Variants in CLNK observed in about 807,000 individuals in gnomAD.
CLNK encodes the protein cytokine dependent hematopoietic cell linker.
A neutral mutation model predicts 68.6 loss-of-function variants in CLNK; 74 were observed. The ratio of observed to expected loss-of-function variants is 1.08; its 90% CI spans 0.89 to 1.31. CLNK has a LOEUF of 1.31. CLNK is among the 50% of genes most tolerant of loss of function. The probability of loss-of-function intolerance (pLI) is 0.00; values close to 1 mark genes in which losing one functional copy is unlikely to be tolerated. For synonymous variants in CLNK, 198 were observed against 172.2 expected (o/e 1.15, Z -1.17); for missense variants, 553 against 515.3 (o/e 1.07, Z -0.71).
At chr4:10,622,379 C>T (rs1290739482) in intron 2 of CLNK, among the ~76,000 whole-genome samples, 1 of 152,116 alleles carries the variant, frequency 6.6e-6, no homozygotes, top group African/African-American at 2.4e-5. Context: ...TTCTTGGGTT[C>T]GTTTAAAAAT....
chr4:10,525,213 C>T (rs1243035409), intron 14 of CLNK, among the ~76,000 whole-genome samples: 8 of 152,120 alleles, frequency 5.3e-5, no homozygotes, highest in South Asian at 2.1e-4. Flanking sequence ...TACAGGCACC[C>T]GCCACCACAC....
the CLNK span, among the ~76,000 whole-genome samples, chr4:10,698,491 G>A: frequency 1.3e-5 from 2 of 152,176 alleles, no homozygotes; most frequent in Non-Finnish European, 2.9e-5. Context: ...AAACAGGTTT[G>A]TTCATATTTC....
chr4:10,501,356 A>G lies in CLNK; in HGVS notation c.1040T>C (p.Val347Ala). 6.2e-7 allele frequency: 1 copy of G among 1,610,062 alleles called. No homozygotes were observed. The highest frequency in any genetic ancestry group is 8.5e-7 in the Non-Finnish European group (1 of 1,178,936). The part of the protein sequence containing the change: ...CSTKSKEEPY[V>A]LAVFYENKVY... The stretch of plus-strand genomic sequence containing the variant: ...TTTGTTCTCATAAAACACAGCCAAA[A>G]CATAGGGCTCTTCCTTGGATTTTGT... Residue 347 changes from valine to alanine, a missense_variant, in exon 18 of 19, where the codon GTT (valine) becomes GCT (alanine). Transcript: ENST00000226951.
At chr4:10,650,173 G>T (rs907266210) in intron 2 of CLNK, among the ~76,000 whole-genome samples, 8 of 152,138 alleles carry the variant, frequency 5.3e-5, no homozygotes, top group Admixed American at 5.2e-4. Flanking sequence ...CTCATTAACT[G>T]ATATGTAAAT....
At chr4:10,508,170 A>G in intron 16 of CLNK, 134 bp from the exon 17 acceptor site, 1 of 627,132 alleles carries the variant, frequency 1.6e-6, no homozygotes, top group Non-Finnish European at 2.7e-6. Flanking sequence ...TTCAGTACCT[A>G]ACATTTAGTC....
At chr4:10,708,061 T>C in the CLNK span, among the ~76,000 whole-genome samples, 3 of 152,102 alleles carry the variant, frequency 2.0e-5, no homozygotes, top group East Asian at 3.9e-4. Flanking sequence ...GACAATGGAA[T>C]AGAGACAAGA....
the CLNK span, among the ~76,000 whole-genome samples, chr4:10,728,290 T>C: frequency 2.0e-5 from 3 of 152,190 alleles, no homozygotes; most frequent in South Asian, 2.1e-4. Flanking sequence ...CAAACGTTTT[T>C]AGAAGAATAC....
intron 2 of CLNK, among the ~76,000 whole-genome samples, chr4:10,651,922 G>A (rs1201579932): frequency 1.3e-5 from 2 of 151,136 alleles, no homozygotes; most frequent in Non-Finnish European, 2.9e-5. Context: ...TAAACTGATA[G>A]AAGTAAAATG....
At chr4:10,526,418 C>G (rs1440042899) in intron 13 of CLNK, among the ~76,000 whole-genome samples, 2 of 152,146 alleles carry the variant, frequency 1.3e-5, no homozygotes, top group African/African-American at 4.8e-5. Flanking sequence ...TCGATAAGAA[C>G]ATTTCTATTA....
the CLNK span, among the ~76,000 whole-genome samples, chr4:10,724,672 G>A: frequency 6.6e-6 from 1 of 152,104 alleles, no homozygotes; most frequent in East Asian, 1.9e-4. Flanking sequence ...AAGAAGAGAG[G>A]AATGAATGAA....
At chr4:10,502,038 G>C (rs1717077577) in intron 17 of CLNK, among the ~76,000 whole-genome samples, 1 of 152,204 alleles carries the variant, frequency 6.6e-6, no homozygotes, top group Admixed American at 6.5e-5. Flanking sequence ...ATCTCTCATT[G>C]CTCCTGCAGC....
At position 10,561,063 on chromosome 4, in the gene CLNK, T is replaced by C. The variant is rs560871940; in HGVS notation, c.400-2611A>G. 4.0e-5 allele frequency among the ~76,000 whole-genome samples: 6 copies of C among 149,222 alleles called. No individual in the cohort carries two copies. In the East Asian group the frequency reaches 9.8e-4, roughly 24 times the overall value. On this transcript the variant is annotated intron_variant, in intron 7 of 18. Coordinates refer to ENST00000226951, the MANE Select transcript of CLNK (RefSeq NM_052964.4). ...AGGCATGCTCCACCACGACCAGCTA[T>C]TTTTTTTTTAATTTTTTTTTAGAGA... is the stretch of plus-strand genomic sequence containing the variant.
At position 10,597,385 on chromosome 4, in the gene CLNK, T is replaced by G. The variant is rs1721423718; in HGVS notation, c.83+593A>C. ...GCTGGATTTGACTTTAGGTCTTGTC[T>G]CTAGTCAGTAATTCGATCAAGTTAG... On this transcript the variant is annotated intron_variant, in intron 3 of 18. Transcript: ENST00000226951. Among the ~76,000 whole-genome samples, 6 of 151,370 alleles carry G rather than the reference T, an allele frequency of 4.0e-5. No individual in the cohort carries two copies. The South Asian group carries it at 1.3e-3, about 32-fold the overall frequency.
At chr4:10,558,370 A>G in intron 8 of CLNK, 37 bp downstream of exon 8, 1 of 1,590,432 alleles carries the variant, frequency 6.3e-7, no homozygotes, top group Non-Finnish European at 8.6e-7. Context: ...AGATGTTTTC[A>G]TACTTACATT....
intron 2 of CLNK, among the ~76,000 whole-genome samples, chr4:10,620,896 A>G (rs1369253028): frequency 1.3e-5 from 2 of 151,442 alleles, no homozygotes; most frequent in East Asian, 3.9e-4. Context: ...AGGTCAGGAG[A>G]TCAAGACAAT....
chr4:10,538,923 G>A (rs1174506764), intron 11 of CLNK, among the ~76,000 whole-genome samples: 1 of 152,144 alleles, frequency 6.6e-6, no homozygotes, highest in Non-Finnish European at 1.5e-5. Context: ...AAAATAGGTT[G>A]GTAAGAAAGT....
chr4:10,648,516 A>G (rs1384147751), intron 2 of CLNK, among the ~76,000 whole-genome samples: 3 of 152,214 alleles, frequency 2.0e-5, no homozygotes, highest in Non-Finnish European at 4.4e-5. Flanking sequence ...CTCTTGTCAC[A>G]GCAGCCATAG....
At chr4:10,686,033 T>G (rs1725258086), upstream of CLNK, among the ~76,000 whole-genome samples, 1 of 152,116 alleles carries the variant, frequency 6.6e-6, no homozygotes, top group South Asian at 2.1e-4. Flanking sequence ...AAACAGAAGG[T>G]CAAATTGTAT....
rs979617641 is a variant in CLNK at position 10,501,135 on chromosome 4, G to A, written c.1140+121C>T. On this transcript the variant is annotated intron_variant, in intron 18 of 18. Coordinates refer to ENST00000226951, the MANE Select transcript of CLNK (RefSeq NM_052964.4). Reference sequence around the variant, plus strand: ...CAGATATTTGTGGAAGGGGTGGGGAGGTCAGACTGCATCCCTCTCCTTCAG... The same window carrying A: ...CAGATATTTGTGGAAGGGGTGGGGAAGTCAGACTGCATCCCTCTCCTTCAG... 39 of 1,002,382 alleles carry A rather than the reference G, an allele frequency of 3.9e-5. No homozygotes were observed. The Admixed American group carries it at 5.2e-4, about 13-fold the overall frequency. 62.1% of individuals were successfully genotyped at this position (1,002,382 alleles called of 1,614,324 possible). A position where few individuals can be genotyped will look rare whatever the true frequency, so the allele number is the denominator to read the frequency against.
Sources: allele counts gnomAD v4.1 joint callset (sites outside exome capture counted in the v4.1 genomes callset), GRCh38; gene constraint gnomAD v4.1.1; transcripts MANE v1.5; gene names NCBI Gene and HGNC (gene_info 2026-07-23, HGNC 2026-07-21).